Variants in MIS18A observed in about 807,000 individuals in gnomAD.
MIS18A encodes protein Mis18-alpha.
A neutral mutation model predicts 25.0 loss-of-function variants in MIS18A; 14 were observed. The ratio of observed to expected loss-of-function variants is 0.56; its 90% CI spans 0.37 to 0.88. The LOEUF (loss-of-function observed/expected upper bound fraction) is 0.88, where lower values mean the gene tolerates loss of function less well. Among genes scored for constraint, MIS18A ranks in the 40% least tolerant of loss-of-function variants. The pLI is 0.00. For missense variants in MIS18A, 292 were observed against 290.8 expected (o/e 1.00, Z -0.03); for synonymous variants, 134 against 118.6 (o/e 1.13, Z -0.84).
chr21:32,192,849 G>A, the MIS18A span, among the ~76,000 whole-genome samples: 1 of 152,180 alleles, frequency 6.6e-6, no homozygotes, highest in African/African-American at 2.4e-5. Context: ...AGAAGCTCTG[G>A]CGGTCTTTGT....
chr21:32,179,063 G>T, the MIS18A span, among the ~76,000 whole-genome samples: 2 of 150,928 alleles, frequency 1.3e-5, no homozygotes, highest in Non-Finnish European at 3.0e-5. Context: ...ATAGTGTCTT[G>T]TCCCTTAGTT....
the MIS18A span, among the ~76,000 whole-genome samples, chr21:32,155,430 T>C: frequency 6.6e-6 from 1 of 152,190 alleles, no homozygotes; most frequent in Non-Finnish European, 1.5e-5. Flanking sequence ...ACCCAGTGGA[T>C]GTCAAATGAG....
chr21:32,256,719 G>A, the MIS18A span, among the ~76,000 whole-genome samples: 93 of 152,160 alleles, frequency 6.1e-4, no homozygotes, highest in Non-Finnish European at 1.0e-3. Context: ...TGTACTCAGT[G>A]ACAAAAATGA....
chr21:32,213,569 G>C, the MIS18A span, among the ~76,000 whole-genome samples: 1 of 152,206 alleles, frequency 6.6e-6, no homozygotes, highest in Non-Finnish European at 1.5e-5. Context: ...TGGGAGAAGA[G>C]AGTCTTTCTG....
chr21:32,178,526 C>G, the MIS18A span, among the ~76,000 whole-genome samples: 2 of 152,150 alleles, frequency 1.3e-5, no homozygotes, highest in African/African-American at 2.4e-5. Context: ...CTCTCCAATT[C>G]TAGGTTTACA....
chr21:32,254,264 G>A, the MIS18A span, among the ~76,000 whole-genome samples: 4 of 151,796 alleles, frequency 2.6e-5, no homozygotes, highest in African/African-American at 9.7e-5. Flanking sequence ...CTTTGGCCAG[G>A]CGTGGTGGCT....
chr21:32,166,647 T>C, the MIS18A span, among the ~76,000 whole-genome samples: 1 of 152,294 alleles, frequency 6.6e-6, no homozygotes, highest in Admixed American at 6.5e-5. Flanking sequence ...AAAATAATTA[T>C]ACATGAGTCC....
At chr21:32,243,882 C>T in the MIS18A span, among the ~76,000 whole-genome samples, 8 of 151,614 alleles carry the variant, frequency 5.3e-5, no homozygotes, top group South Asian at 2.1e-4. Context: ...GCCAGTGAGC[C>T]GCAATGAACT....
the MIS18A span, among the ~76,000 whole-genome samples, chr21:32,253,909 A>G: frequency 6.6e-6 from 1 of 152,174 alleles, no homozygotes; most frequent in Non-Finnish European, 1.5e-5. Context: ...TTTTTTTTAA[A>G]CAGCATTTTG....
the MIS18A span, among the ~76,000 whole-genome samples, chr21:32,245,555 G>C: frequency 6.6e-6 from 1 of 152,182 alleles, no homozygotes; most frequent in Non-Finnish European, 1.5e-5. Context: ...CTGGGAAGGA[G>C]GCAGCCAGGG....
the MIS18A span, among the ~76,000 whole-genome samples, chr21:32,234,720 A>G: frequency 6.6e-6 from 1 of 152,088 alleles, no homozygotes; most frequent in African/African-American, 2.4e-5. Context: ...CTCTCTCATC[A>G]TGTGACATGC....
chr21:32,268,055 G>A (rs73191157), downstream of MIS18A, among the ~76,000 whole-genome samples: 50 of 152,246 alleles, frequency 3.3e-4, no homozygotes, highest in Non-Finnish European at 5.4e-4. Context: ...GTACTGTTCC[G>A]TGACCTCACT....
At chr21:32,212,724 T>C in the MIS18A span, among the ~76,000 whole-genome samples, 1 of 152,190 alleles carries the variant, frequency 6.6e-6, no homozygotes, top group African/African-American at 2.4e-5. Context: ...GTGGAGATAA[T>C]TGAATCATGG....
At chr21:32,216,648 G>T in the MIS18A span, among the ~76,000 whole-genome samples, 1 of 152,162 alleles carries the variant, frequency 6.6e-6, no homozygotes, top group African/African-American at 2.4e-5. Context: ...ATATGCATAG[G>T]ACAGTAGGCA....
At chr21:32,174,508 T>C in the MIS18A span, among the ~76,000 whole-genome samples, 2 of 152,186 alleles carry the variant, frequency 1.3e-5, no homozygotes, top group African/African-American at 2.4e-5. Context: ...ATCCTGCACA[T>C]GTACCCCGGA....
chr21:32,241,203 C>T, the MIS18A span, among the ~76,000 whole-genome samples: 1,591 of 152,232 alleles, frequency 0.01, 28 homozygotes, highest in African/African-American at 0.037. Flanking sequence ...GAAAACTAAA[C>T]ATGTAACTGA....
chr21:32,203,989 C>T, the MIS18A span, among the ~76,000 whole-genome samples: 2 of 151,966 alleles, frequency 1.3e-5, no homozygotes, highest in Non-Finnish European at 2.9e-5. Flanking sequence ...CTCATGGATT[C>T]AATCCTGTAA....
the MIS18A span, among the ~76,000 whole-genome samples, chr21:32,242,311 G>A: frequency 6.6e-6 from 1 of 152,320 alleles, no homozygotes; most frequent in South Asian, 2.1e-4. Flanking sequence ...CCTGGATATG[G>A]CCATTTCGGA....
the MIS18A span, among the ~76,000 whole-genome samples, chr21:32,190,614 A>G: frequency 0.15 from 23,055 of 152,194 alleles, 1,859 homozygotes; most frequent in East Asian, 0.24. Context: ...CTAAGCTTCC[A>G]TAGCGATGAA....
Sources: gnomAD v4.1 joint callset for allele counts (sites outside exome capture counted in the v4.1 genomes callset) on GRCh38, gnomAD v4.1.1 for gene constraint, MANE v1.5 for transcripts, NCBI Gene and HGNC (gene_info 2026-07-23, HGNC 2026-07-21) for gene names.